DENND1B: variants seen among roughly 807,000 people sequenced by gnomAD.
DENND1B encodes DENN domain containing 1B.
A neutral mutation model predicts 90.1 loss-of-function variants in DENND1B; 59 were observed. The observed-to-expected ratio is 0.65, with a 90% CI of 0.53 to 0.81. The LOEUF (loss-of-function observed/expected upper bound fraction) is 0.81, where lower values mean the gene tolerates loss of function less well. DENND1B is among the 40% of genes least tolerant of loss of function. The pLI is 0.00. For synonymous variants in DENND1B, 337 were observed against 324.6 expected (o/e 1.04, Z -0.41); for missense variants, 862 against 912.6 (o/e 0.94, Z 0.71).
intron 3 of DENND1B, among the ~76,000 whole-genome samples, chr1:197,693,087 A>T (rs1350248561): frequency 6.6e-6 from 1 of 151,642 alleles, no homozygotes; most frequent in East Asian, 1.9e-4. Context: ...TCAGGGAACA[A>T]CCTTTCCTTT....
chr1:197,515,344 A>G (rs1329250829), intron 20 of DENND1B, among the ~76,000 whole-genome samples: 1 of 151,808 alleles, frequency 6.6e-6, no homozygotes, highest in Non-Finnish European at 1.5e-5. Context: ...TGAGTTAAAC[A>G]GAAATCTGCA....
chr1:197,513,997 G>A (rs1468534769), intron 20 of DENND1B, among the ~76,000 whole-genome samples: 2 of 151,546 alleles, frequency 1.3e-5, no homozygotes, highest in African/African-American at 4.8e-5. Flanking sequence ...AACATGTATA[G>A]GCACATAATG....
chr1:197,675,291 T>C (rs760734063), intron 3 of DENND1B, among the ~76,000 whole-genome samples: 3 of 152,172 alleles, frequency 2.0e-5, no homozygotes, highest in Non-Finnish European at 4.4e-5. Flanking sequence ...TAGCATTGAG[T>C]GTTTTAAAGT....
rs531052452 is a variant in DENND1B at position 197,582,291 on chromosome 1, A to G, written c.1149+861T>C. On this transcript the variant is annotated intron_variant, in intron 15 of 22. Transcript: ENST00000620048. ...CTGACCTAATTTGAAGGTTATTTTGAGTGATATAGTATCTTCCCTTCTAAC... is the reference window on the plus strand; with the variant it reads ...CTGACCTAATTTGAAGGTTATTTTGGGTGATATAGTATCTTCCCTTCTAAC... Among the ~76,000 whole-genome samples the G allele has an allele frequency of 2.0e-5, 3 of 152,198 alleles. No individual in the cohort carries two copies. The South Asian group carries it at 6.2e-4, about 32-fold the overall frequency.
intron 14 of DENND1B, among the ~76,000 whole-genome samples, chr1:197,594,779 T>C (rs182293455): frequency 9.9e-4 from 151 of 152,240 alleles, no homozygotes; most frequent in South Asian, 8.3e-4. Flanking sequence ...TTTCCAAATA[T>C]TGTAAAACCT....
intron 2 of DENND1B, among the ~76,000 whole-genome samples, chr1:197,771,772 A>G (rs770870842): frequency 6.6e-6 from 1 of 152,224 alleles, no homozygotes; most frequent in Non-Finnish European, 1.5e-5. Flanking sequence ...ATGCTTAATC[A>G]TCATGCTATC....
chr1:197,513,002 T>C, intron 20 of DENND1B, 49 bp from the exon 21 acceptor site: 1 of 1,485,250 alleles, frequency 6.7e-7, no homozygotes, highest in South Asian at 1.2e-5. Flanking sequence ...TTAAAATAAG[T>C]CTCTTTAGCA....
intron 4 of DENND1B, among the ~76,000 whole-genome samples, chr1:197,672,572 C>T (rs1053912899): frequency 4.6e-5 from 7 of 152,072 alleles, no homozygotes; most frequent in African/African-American, 1.4e-4. Context: ...CAAATCATGT[C>T]GCTTTAGAAT....
chr1:197,672,489 C>A (rs1373820644), intron 4 of DENND1B, among the ~76,000 whole-genome samples: 1 of 151,990 alleles, frequency 6.6e-6, no homozygotes, highest in Non-Finnish European at 1.5e-5. Context: ...GTAGAAGCAG[C>A]TAGAAATCAT....
At chr1:197,676,153 CT>C (rs1224262858) in intron 3 of DENND1B, among the ~76,000 whole-genome samples, 2 of 149,848 alleles carry the variant, frequency 1.3e-5, no homozygotes, top group African/African-American at 4.9e-5. Flanking sequence ...TGTTTCTCCC[CT>C]GACAGTATAA....
intron 13 of DENND1B, among the ~76,000 whole-genome samples, chr1:197,603,533 T>TA (rs958182649): frequency 1.6e-4 from 24 of 150,496 alleles, no homozygotes; most frequent in African/African-American, 2.4e-4. Context: ...GCAATACAGG[T>TA]AAAAAAAAAC....
intron 9 of DENND1B, among the ~76,000 whole-genome samples, chr1:197,644,829 T>C (rs755676150): frequency 5.3e-5 from 8 of 152,186 alleles, no homozygotes; most frequent in Non-Finnish European, 8.8e-5. Flanking sequence ...TTGAAAACAT[T>C]TGGAAAAACA....
At chr1:197,688,790 A>T (rs1256507336) in intron 3 of DENND1B, 1 of 163,660 alleles carries the variant, frequency 6.1e-6, no homozygotes, top group African/African-American at 2.4e-5. Flanking sequence ...TATCAACATC[A>T]TCATCACTGG....
chr1:197,687,980 A>G (rs904794936), intron 3 of DENND1B, among the ~76,000 whole-genome samples: 10 of 152,150 alleles, frequency 6.6e-5, no homozygotes, highest in Non-Finnish European at 1.3e-4. Flanking sequence ...GTTGTAGGAT[A>G]TAAAAATCAA....
intron 5 of DENND1B, among the ~76,000 whole-genome samples, chr1:197,661,012 C>T (rs939543714): frequency 3.3e-5 from 5 of 151,976 alleles, no homozygotes; most frequent in African/African-American, 1.2e-4. Flanking sequence ...GATGCTGGAA[C>T]GGGGTGTTTA....
chr1:197,693,182 G>A (rs1450823723), intron 3 of DENND1B, among the ~76,000 whole-genome samples: 4 of 151,492 alleles, frequency 2.6e-5, no homozygotes, highest in Admixed American at 2.6e-4. Context: ...ATTGTTGTCT[G>A]GTCAAATAGG....
intron 15 of DENND1B, among the ~76,000 whole-genome samples, chr1:197,582,731 C>T (rs555625917): frequency 7.9e-5 from 12 of 152,202 alleles, no homozygotes; most frequent in African/African-American, 2.6e-4. Flanking sequence ...TCTTACAAAG[C>T]TTAAAAAGTT....
chr1:197,761,118 C>T (rs1487625273), intron 2 of DENND1B, among the ~76,000 whole-genome samples: 1 of 152,134 alleles, frequency 6.6e-6, no homozygotes, highest in African/African-American at 2.4e-5. Context: ...AACAAAATCA[C>T]ACATTTCATA....
At chr1:197,706,522 A>T (rs776675895) in intron 3 of DENND1B, among the ~76,000 whole-genome samples, 1 of 152,246 alleles carries the variant, frequency 6.6e-6, no homozygotes, top group African/African-American at 2.4e-5. Context: ...TGTATACGTA[A>T]ACTAATCATC....
Sources: gnomAD v4.1 joint callset for allele counts (sites outside exome capture counted in the v4.1 genomes callset) on GRCh38, gnomAD v4.1.1 for gene constraint, MANE v1.5 for transcripts, NCBI Gene and HGNC (gene_info 2026-07-23, HGNC 2026-07-21) for gene names.